The following RNU5E-1 variants were observed in gnomAD, a reference collection of about 807,000 sequenced individuals.
RNU5E-1 encodes the protein RNA, U5E small nuclear 1, also known as RNA, U5E small nuclear.
exon 1 of RNU5E-1, chr1:11,908,239 A>C (rs546193029): frequency 2.8e-5 from 4 of 142,794 alleles, no homozygotes; most frequent in Non-Finnish European, 4.7e-5. Flanking sequence ...TCTGAAACCA[A>C]TTTTTTGAGG....
exon 1 of RNU5E-1, chr1:11,908,270 C>A (rs528075943): frequency 3.9e-5 from 6 of 152,072 alleles, no homozygotes; most frequent in East Asian, 1.9e-4. Flanking sequence ...CTTAGCAGGG[C>A]TTATTTTAAG....
chr1:11,908,220 G>A lies in RNU5E-1; in HGVS notation n.69G>A, dbSNP rs373597040. 53 of 152,136 alleles carry A rather than the reference G, an allele frequency of 3.5e-4. 1 individual carries two copies. Among genetic ancestry groups the A allele is most frequent in the African/African-American group, 8.9e-4 (37 of 41,546 alleles). 9.4% of individuals were successfully genotyped at this position (152,136 alleles called of 1,614,324 possible). ...ACTAAAGATTTCCGTGGAGAGAAACGAGTGTGAGTCTGAAACCAATTTTTT... is the reference window on the plus strand; with the variant it reads ...ACTAAAGATTTCCGTGGAGAGAAACAAGTGTGAGTCTGAAACCAATTTTTT... On this transcript the variant is annotated non_coding_transcript_exon_variant, in exon 1 of 1. Transcript: ENST00000362477.
chr1:11,908,211 G>GT (rs1645393743), exon 1 of RNU5E-1: 4 of 152,242 alleles, frequency 2.6e-5, no homozygotes, highest in South Asian at 2.1e-4. Flanking sequence ...GATTTCCGTG[G>GT]AGAGAAACGA....
At chr1:11,908,175 G>GTATAAATCT (rs914382843) in exon 1 of RNU5E-1, 1 of 152,092 alleles carries the variant, frequency 6.6e-6, no homozygotes, top group Non-Finnish European at 1.5e-5. Context: ...TCTTCAAATC[G>GTATAAATCT]TATAAATCTT....
chr1:11,908,216 A>C (rs6684539), exon 1 of RNU5E-1: 83 of 152,058 alleles, frequency 5.5e-4, no homozygotes, highest in Non-Finnish European at 1.0e-3. Flanking sequence ...CCGTGGAGAG[A>C]AACGAGTGTG....
chr1:11,908,213 G>A (rs1035217606), exon 1 of RNU5E-1: 23 of 152,214 alleles, frequency 1.5e-4, no homozygotes, highest in South Asian at 2.1e-4. Flanking sequence ...TTTCCGTGGA[G>A]AGAAACGAGT....
At chr1:11,908,203 T>G (rs138376412) in exon 1 of RNU5E-1, 1 of 152,202 alleles carries the variant, frequency 6.6e-6, no homozygotes, top group Non-Finnish European at 1.5e-5. Context: ...TTACTAAAGA[T>G]TTCCGTGGAG....
exon 1 of RNU5E-1, chr1:11,908,154 A>G (rs141466170): frequency 1.1e-4 from 17 of 152,048 alleles, no homozygotes; most frequent in Middle Eastern, 3.2e-3. Flanking sequence ...CTGATGTTAT[A>G]CTCTGGTTTC....
exon 1 of RNU5E-1, chr1:11,908,239 ATT>A (rs547853286): frequency 7.0e-6 from 1 of 142,794 alleles, no homozygotes; most frequent in Non-Finnish European, 1.6e-5. Flanking sequence ...TCTGAAACCA[ATT>A]TTTTGAGGCC....
exon 1 of RNU5E-1, chr1:11,908,218 A>T (rs530499806): frequency 4.6e-5 from 7 of 152,202 alleles, no homozygotes; most frequent in Admixed American, 2.0e-4. Flanking sequence ...GTGGAGAGAA[A>T]CGAGTGTGAG....
At chr1:11,908,162 T>G (rs756155445) in exon 1 of RNU5E-1, 4 of 152,176 alleles carry the variant, frequency 2.6e-5, no homozygotes, top group Non-Finnish European at 5.9e-5. Flanking sequence ...ATACTCTGGT[T>G]TCTCTTCAAA....
chr1:11,908,185 T>C (rs994632620), exon 1 of RNU5E-1: 2 of 152,216 alleles, frequency 1.3e-5, no homozygotes, highest in South Asian at 2.1e-4. Flanking sequence ...GTATAAATCT[T>C]TCGCCTTTTA....
chr1:11,908,156 T>G lies in RNU5E-1; in HGVS notation n.5T>G, dbSNP rs533522482. On this transcript the variant is annotated non_coding_transcript_exon_variant, in exon 1 of 1. Transcript: ENST00000362477. Reference sequence around the variant, plus strand: ...GTAGTGTCGACGACTGATGTTATACTCTGGTTTCTCTTCAAATCGTATAAA... The same window carrying G: ...GTAGTGTCGACGACTGATGTTATACGCTGGTTTCTCTTCAAATCGTATAAA... The G allele has an allele frequency of 6.6e-5, 10 of 152,304 alleles. No homozygotes were observed. In the South Asian group the frequency reaches 1.0e-3, roughly 16 times the overall value. 9.4% of individuals were successfully genotyped at this position (152,304 alleles called of 1,614,324 possible).
At chr1:11,908,229 T>A (rs182195160) in exon 1 of RNU5E-1, 1 of 150,924 alleles carries the variant, frequency 6.6e-6, no homozygotes, top group Non-Finnish European at 1.5e-5. Flanking sequence ...CGAGTGTGAG[T>A]CTGAAACCAA....
At chr1:11,908,249 G>T (rs909024549) in exon 1 of RNU5E-1, 2 of 135,744 alleles carry the variant, frequency 1.5e-5, no homozygotes, top group African/African-American at 2.5e-5. Context: ...ATTTTTTGAG[G>T]CCTTGCGTTT....
chr1:11,908,264 G>C (rs556696828), exon 1 of RNU5E-1: 6 of 151,926 alleles, frequency 3.9e-5, no homozygotes, highest in African/African-American at 4.8e-5. Flanking sequence ...GCGTTTCTTA[G>C]CAGGGCTTAT....
exon 1 of RNU5E-1, chr1:11,908,205 T>G (rs897632221): frequency 6.6e-5 from 10 of 152,186 alleles, no homozygotes; most frequent in Non-Finnish European, 1.3e-4. Context: ...ACTAAAGATT[T>G]CCGTGGAGAG....
At chr1:11,908,187 C>G (rs148372864) in exon 1 of RNU5E-1, 42 of 152,142 alleles carry the variant, frequency 2.8e-4, no homozygotes, top group Non-Finnish European at 1.9e-4. Context: ...ATAAATCTTT[C>G]GCCTTTTACT....
At chr1:11,908,184 T>C (rs554282428) in exon 1 of RNU5E-1, 18 of 152,366 alleles carry the variant, frequency 1.2e-4, no homozygotes, top group African/African-American at 3.6e-4. Flanking sequence ...CGTATAAATC[T>C]TTCGCCTTTT....
Sources: allele counts gnomAD v4.1 joint callset, GRCh38; gene constraint gnomAD v4.1.1; transcripts MANE v1.5; gene names NCBI Gene and HGNC (gene_info 2026-07-23, HGNC 2026-07-21).